Variants in PTPRA observed in about 807,000 individuals in gnomAD.
PTPRA encodes the protein receptor-type tyrosine-protein phosphatase alpha.
A neutral mutation model predicts 104.8 loss-of-function variants in PTPRA; 25 were observed. The ratio of observed to expected loss-of-function variants is 0.24; its 90% CI spans 0.17 to 0.33. The LOEUF is 0.33. PTPRA is among the 10% of genes least tolerant of loss of function. PTPRA has a pLI of 1.00. For missense variants in PTPRA, 765 were observed against 1,015.3 expected (o/e 0.75, Z 3.35); for synonymous variants, 323 against 368.9 (o/e 0.88, Z 1.43).
intron 2 of PTPRA, among the ~76,000 whole-genome samples, chr20:2,929,625 G>C (rs529648794): frequency 6.6e-6 from 1 of 152,260 alleles, no homozygotes; most frequent in South Asian, 2.1e-4. Context: ...AGGAGTTTGA[G>C]ACCAGCCTGG....
intron 9 of PTPRA, among the ~76,000 whole-genome samples, chr20:3,003,654 C>T (rs978865077): frequency 2.0e-5 from 3 of 151,074 alleles, no homozygotes; most frequent in African/African-American, 7.3e-5. Context: ...CCCACCTCAG[C>T]CTTCTGAGTA....
intron 10 of PTPRA, 132 bp from the exon 11 acceptor site, chr20:3,007,212 T>C: frequency 1.3e-6 from 1 of 781,810 alleles, no homozygotes; most frequent in South Asian, 1.9e-5. Flanking sequence ...GGAGTTATAT[T>C]GTTGGAGTGG....
intron 1 of PTPRA, among the ~76,000 whole-genome samples, chr20:2,894,174 T>G (rs2058903570): frequency 6.6e-6 from 1 of 152,202 alleles, no homozygotes; most frequent in Admixed American, 6.5e-5. Flanking sequence ...AATGTTTGGT[T>G]CAGTGTTTGT....
intron 6 of PTPRA, among the ~76,000 whole-genome samples, chr20:2,983,339 A>C (rs529696854): frequency 6.6e-6 from 1 of 152,060 alleles, no homozygotes; most frequent in African/African-American, 2.4e-5. Flanking sequence ...TAGGGCAGGT[A>C]GGGGCTAAAT....
chr20:2,928,547 T>C (rs2079800212), intron 2 of PTPRA, among the ~76,000 whole-genome samples: 1 of 152,186 alleles, frequency 6.6e-6, no homozygotes, highest in Non-Finnish European at 1.5e-5. Context: ...TCATGAGAAA[T>C]AGAAAGTTTC....
chr20:2,979,444 G>T (rs1202795081), intron 6 of PTPRA, among the ~76,000 whole-genome samples: 1 of 152,124 alleles, frequency 6.6e-6, no homozygotes, highest in East Asian at 1.9e-4. Context: ...ATTGCTCTGT[G>T]TTCTGGGAGC....
intron 1 of PTPRA, among the ~76,000 whole-genome samples, chr20:2,895,818 C>T (rs967800199): frequency 2.0e-5 from 3 of 152,100 alleles, no homozygotes; most frequent in East Asian, 1.9e-4. Context: ...TGTGAGCTAC[C>T]GCACCCGGCT....
intron 3 of PTPRA, among the ~76,000 whole-genome samples, chr20:2,953,852 A>G (rs947844579): frequency 6.6e-6 from 1 of 150,950 alleles, no homozygotes; most frequent in African/African-American, 2.4e-5. Flanking sequence ...TGGCCTCCCA[A>G]AGTGTTGGGA....
intron 2 of PTPRA, among the ~76,000 whole-genome samples, chr20:2,945,082 G>T (rs13038135): frequency 0.21 from 31,350 of 151,466 alleles, 3,645 homozygotes; most frequent in East Asian, 0.38. Context: ...CTTCATTCTA[G>T]ATACTTCCTT....
Position 2,915,751 on chromosome 20 carries a change from G to T in PTPRA, c.-128-7456G>T, listed in dbSNP as rs534570424. Among the ~76,000 whole-genome samples, 94 of 152,250 alleles carry T rather than the reference G, an allele frequency of 6.2e-4. 1 individual carries two copies. The highest frequency in any genetic ancestry group is 2.1e-3 in the African/African-American group (89 of 41,560). On this transcript the variant is annotated intron_variant, in intron 1 of 23. Transcript: ENST00000399903. ...GCCTGTAATCCTAGCACTTTGAGAG[G>T]CTGAGACAGGCGGATTGCCTGAGCT...
chr20:2,874,549 C>T (rs1444312872), intron 1 of PTPRA, among the ~76,000 whole-genome samples: 2 of 152,090 alleles, frequency 1.3e-5, no homozygotes, highest in East Asian at 1.9e-4. Context: ...AGAGGGATTC[C>T]GGCTCTAGAA....
intron 2 of PTPRA, among the ~76,000 whole-genome samples, chr20:2,927,356 G>C (rs983859326): frequency 1.3e-5 from 2 of 152,160 alleles, no homozygotes; most frequent in Admixed American, 6.5e-5. Context: ...TTCTCTCTCT[G>C]AAACTATCAG....
intron 9 of PTPRA, among the ~76,000 whole-genome samples, chr20:2,997,984 C>T (rs753891405): frequency 1.2e-4 from 18 of 151,902 alleles, no homozygotes; most frequent in Non-Finnish European, 2.1e-4. Flanking sequence ...TTTTAATTAG[C>T]CAGGCGTGAT....
intron 1 of PTPRA, among the ~76,000 whole-genome samples, chr20:2,909,168 C>T (rs2059533434): frequency 6.6e-6 from 1 of 152,110 alleles, no homozygotes; most frequent in African/African-American, 2.4e-5. Flanking sequence ...GTATAATGTA[C>T]ATTATTTAAC....
rs914703205 is a variant in PTPRA, at chr20:2,989,805, C to G, written c.738+1331C>G. ...GGCCAAGGCGGGCGGATCACAAGGT[C>G]AGGAGATCGAGACCATCCTGGCTAA... On this transcript the variant is annotated intron_variant, in intron 9 of 23. Transcript: ENST00000399903. Among the ~76,000 whole-genome samples the G allele has an allele frequency of 5.9e-5, 9 of 152,266 alleles. No individual in the cohort carries two copies. The South Asian group carries it at 8.3e-4, about 14-fold the overall frequency.
chr20:2,900,064 A>T (rs1487866576), intron 1 of PTPRA, among the ~76,000 whole-genome samples: 1 of 152,056 alleles, frequency 6.6e-6, no homozygotes, highest in African/African-American at 2.4e-5. Flanking sequence ...GAGCTGAGAT[A>T]GCGCCACTGC....
Position 2,955,565 on chromosome 20 carries a change from CT to C in PTPRA, c.-7+7542del, listed in dbSNP as rs2061506159. 4.3e-6 allele frequency: 4 copies of C among 921,312 alleles called. No homozygotes were observed. In the South Asian group the frequency reaches 2.0e-4, roughly 46 times the overall value. 57.1% of individuals were successfully genotyped at this position (921,312 alleles called of 1,614,324 possible). ...TGGACTTCTCTATCACATTGCCTTTCTCAAGAGAAGACATATAATGAAAGTT... is the reference window on the plus strand; with the variant it reads ...TGGACTTCTCTATCACATTGCCTTTCCAAGAGAAGACATATAATGAAAGTT... On this transcript the variant is annotated intron_variant, in intron 3 of 23. Coordinates refer to ENST00000399903, the MANE Select transcript of PTPRA (RefSeq NM_001385305.1).
At chr20:2,978,652 A>G (rs3787478) in intron 6 of PTPRA, among the ~76,000 whole-genome samples, 27,217 of 151,968 alleles carry the variant, frequency 0.18, 3,491 homozygotes, top group African/African-American at 0.36. Flanking sequence ...TTTCATTTTC[A>G]TGCTTGCTCC....
At chr20:2,991,344 GA>G (rs1400498277) in intron 9 of PTPRA, among the ~76,000 whole-genome samples, 1 of 146,182 alleles carries the variant, frequency 6.8e-6, no homozygotes, top group African/African-American at 2.5e-5. Flanking sequence ...CAGCCTGGGC[GA>G]CAAGAGTGAA....
Sources: gnomAD v4.1 joint callset for allele counts (sites outside exome capture counted in the v4.1 genomes callset) on GRCh38, gnomAD v4.1.1 for gene constraint, MANE v1.5 for transcripts, NCBI Gene and HGNC (gene_info 2026-07-23, HGNC 2026-07-21) for gene names.